The following ZNF462 variants were observed in gnomAD, a reference collection of about 807,000 sequenced individuals.
The protein encoded by ZNF462 is zinc finger protein 462.
In ZNF462, 10 loss-of-function variants were observed where a neutral mutation model predicts 201.9. The observed-to-expected ratio is 0.05, with a 90% CI of 0.03 to 0.08. ZNF462 has a LOEUF of 0.08. Among genes scored for constraint, ZNF462 ranks in the 10% least tolerant of loss-of-function variants. ZNF462 has a pLI of 1.00. For synonymous variants in ZNF462, 1,227 were observed against 1,193.3 expected (o/e 1.03, Z -0.58); for missense variants, 2,523 against 3,168.3 (o/e 0.80, Z 4.89).
At position 106,928,418 on chromosome 9, in the gene ZNF462, C is replaced by A. The variant is rs1440384486; in HGVS notation, c.4506C>A (p.Asp1502Glu). 6.2e-7 allele frequency: 1 copy of A among 1,614,180 alleles called. No homozygotes were observed. Reference sequence around the variant, plus strand: ...CTGGCATGAAAGTGAAGGCTGCTGACTTTGCCCAGGACATTGACATCAACC... The same window carrying A: ...CTGGCATGAAAGTGAAGGCTGCTGAATTTGCCCAGGACATTGACATCAACC... The part of the protein sequence containing the change: ...KHPGMKVKAA[D>E]FAQDIDINPG... Residue 1502 changes from aspartate to glutamate, a missense_variant, in exon 3 of 13, where the codon GAC (aspartate) becomes GAA (glutamate). Coordinates refer to ENST00000277225, the MANE Select transcript of ZNF462 (RefSeq NM_021224.6). The surrounding 1 kb of genome is among the most constrained non-coding windows in gnomAD (Gnocchi z 9.3).
chr9:106,953,647 C>G (rs1318311994), intron 7 of ZNF462, among the ~76,000 whole-genome samples: 1 of 151,950 alleles, frequency 6.6e-6, no homozygotes, highest in Non-Finnish European at 1.5e-5. Context: ...TCTTTGCACT[C>G]TCTCTCTCTC....
intron 1 of ZNF462, among the ~76,000 whole-genome samples, chr9:106,892,704 G>GCACACA (rs10568431): frequency 4.5e-5 from 6 of 131,946 alleles, no homozygotes; most frequent in East Asian, 2.1e-4. Flanking sequence ...ACACACACAC[G>GCACACA]CACACACACA....
rs779552060 is a variant in ZNF462 at position 106,928,769 on chromosome 9, C to G, written c.4857C>G (p.Leu1619=). ...SQSPPKLPVP[L]EPEMTTEVSP... ...CGCCCCCGAAGCTGCCAGTCCCCCTCGAGCCCGAGATGACCACTGAAGTGA... is the reference window on the plus strand; with the variant it reads ...CGCCCCCGAAGCTGCCAGTCCCCCTGGAGCCCGAGATGACCACTGAAGTGA... Residue 1619 remains leucine (L), a synonymous_variant, in exon 3 of 13, where the codon CTC becomes CTG. Coordinates refer to ENST00000277225, the MANE Select transcript of ZNF462 (RefSeq NM_021224.6). The surrounding 1 kb of genome is among the most constrained non-coding windows in gnomAD (Gnocchi z 9.3). 41 of 1,613,990 alleles carry G rather than the reference C, an allele frequency of 2.5e-5. No individual in the cohort carries two copies. The East Asian group carries it at 8.5e-4, about 33-fold the overall frequency.
At chr9:106,873,564 T>C (rs1827692369) in intron 1 of ZNF462, among the ~76,000 whole-genome samples, 1 of 152,216 alleles carries the variant, frequency 6.6e-6, no homozygotes, top group Admixed American at 6.5e-5. Flanking sequence ...TTCTATTCTT[T>C]AATGGTCATT....
At chr9:106,867,619 C>T (rs148620339) in intron 1 of ZNF462, among the ~76,000 whole-genome samples, 8 of 151,354 alleles carry the variant, frequency 5.3e-5, no homozygotes, top group Non-Finnish European at 7.4e-5. Flanking sequence ...ATGAATCTTC[C>T]GGAAGACAGC....
In ZNF462 at chr9:106,935,003, G is replaced by T. The variant is rs1034578927; in HGVS notation, c.6117-500G>T. On this transcript the variant is annotated intron_variant, in intron 5 of 12. Transcript: ENST00000277225. This position sits in a 1 kb window ranked among gnomAD's most constrained non-coding sequence, Gnocchi z 4.1. ...CCATTGCAAGAAGGTCAGCCACTTC[G>T]AAACCTCCCTTCCTCACTCTAGTGT... is the stretch of plus-strand genomic sequence containing the variant. Among the ~76,000 whole-genome samples the T allele has an allele frequency of 6.6e-6, 1 of 152,144 alleles. No individual in the cohort carries two copies. Among genetic ancestry groups the T allele is most frequent in the Non-Finnish European group, 1.5e-5 (1 of 68,028 alleles).
At chr9:106,909,713 AAGTC>A (rs1454236884) in intron 1 of ZNF462, among the ~76,000 whole-genome samples, 2 of 152,180 alleles carry the variant, frequency 1.3e-5, no homozygotes, top group African/African-American at 4.8e-5. Context: ...TACTGTGAAA[AAGTC>A]AGAGGACACC....
Position 106,927,913 on chromosome 9 carries a change from G to A in ZNF462, c.4001G>A (p.Arg1334Lys). The change falls in exon 3 of 13, where the codon AGG becomes AAG. Residue 1334 changes from arginine (R) to lysine (K), a missense_variant. Around this residue, in one of 15 missense-constraint regions of ZNF462, gnomAD observed 222 missense variants for 271.6 expected, o/e 0.82. Transcript: ENST00000277225. Reference sequence around the variant, plus strand: ...GGTTTGCTCCTGCATTACCAACGGAGGCATCCAGAACACTATGTTGATTAC... The same window carrying A: ...GGTTTGCTCCTGCATTACCAACGGAAGCATCCAGAACACTATGTTGATTAC... ...PNGLLLHYQR[R>K]HPEHYVDYTY... 6.2e-7 allele frequency: 1 copy of A among 1,614,154 alleles called. No homozygotes were observed. Among genetic ancestry groups the A allele is most frequent in the Non-Finnish European group, 8.5e-7 (1 of 1,180,032 alleles).
rs1356258014 is a variant in ZNF462, at chr9:106,935,263, A to G, written c.6117-240A>G. On this transcript the variant is annotated intron_variant, in intron 5 of 12. Transcript: ENST00000277225. The surrounding 1 kb of genome is among the most constrained non-coding windows in gnomAD (Gnocchi z 4.1). ...AAGATTCTTACCATGACCTGTTACC[A>G]CTGCCATATCTCTAAATCCAAAAAA... Among the ~76,000 whole-genome samples, 2 of 151,662 alleles carry G rather than the reference A, an allele frequency of 1.3e-5. No individual in the cohort carries two copies. Among genetic ancestry groups the G allele is most frequent in the East Asian group, 3.9e-4 (2 of 5,190 alleles).
Position 107,009,501 on chromosome 9 carries a change from G to A in ZNF462, c.7190-44G>A, listed in dbSNP as rs1564172044. On this transcript the variant is annotated intron_variant, in intron 11 of 12. Transcript: ENST00000277225. This position sits in a 1 kb window ranked among gnomAD's most constrained non-coding sequence, Gnocchi z 6.1. ...TGAATGCTGACTTACCTATTCTGCT[G>A]ATTCCCACAGCACACAGGTAACACT... The A allele has an allele frequency of 1.2e-6, 2 of 1,611,600 alleles. No individual in the cohort carries two copies. Among genetic ancestry groups the A allele is most frequent in the Admixed American group, 3.3e-5 (2 of 59,896 alleles).
At chr9:106,877,545 A>T (rs1423349192) in intron 1 of ZNF462, among the ~76,000 whole-genome samples, 1 of 151,696 alleles carries the variant, frequency 6.6e-6, no homozygotes, top group East Asian at 1.9e-4. Flanking sequence ...ATGCACCACC[A>T]TGCCTGGCTA....
At chr9:106,942,940 T>C (rs1273522008) in intron 7 of ZNF462, among the ~76,000 whole-genome samples, 1 of 140,380 alleles carries the variant, frequency 7.1e-6, no homozygotes, top group East Asian at 1.9e-4. Flanking sequence ...GCAGTTATGC[T>C]ATGGAATTGC....
rs1830482604 is a variant in ZNF462 at position 106,932,937 on chromosome 9, C to G, written c.6116+388C>G. On this transcript the variant is annotated intron_variant, in intron 5 of 12. Transcript: ENST00000277225. The surrounding 1 kb of genome is among the most constrained non-coding windows in gnomAD (Gnocchi z 6.8). The stretch of plus-strand genomic sequence containing the variant: ...AGTTGCTAAAGAGGTAAAATTAGGA[C>G]TATTAACCCATGTGACCAAAGAAAC... 6.9e-6 allele frequency: 2 copies of G among 289,566 alleles called. No individual in the cohort carries two copies. Among genetic ancestry groups the G allele is most frequent in the African/African-American group, 2.3e-5 (1 of 44,120 alleles). The allele number at this position is 289,566 out of a possible 1,614,324, so 17.9% of individuals were successfully genotyped here.
intron 1 of ZNF462, among the ~76,000 whole-genome samples, chr9:106,889,255 G>A (rs1828465221): frequency 6.6e-6 from 1 of 152,164 alleles, no homozygotes; most frequent in Admixed American, 6.5e-5. Flanking sequence ...TTAAAAGGGA[G>A]GCCTCAGAAA....
intron 7 of ZNF462, among the ~76,000 whole-genome samples, chr9:106,964,531 TTG>T (rs1831985507): frequency 6.6e-6 from 1 of 152,076 alleles, no homozygotes; most frequent in South Asian, 2.1e-4. Flanking sequence ...CTACACTGCG[TTG>T]TGTGTTACTT....
Position 106,880,659 on chromosome 9 carries a change from A to T in ZNF462, c.-31+17304A>T, listed in dbSNP as rs1422115961. ...GGGATATATTTTTATTAATGGTTTA[A>T]GTTGGGCCTTTTATAACTGATACTC... On this transcript the variant is annotated intron_variant, in intron 1 of 12. Transcript: ENST00000277225. This position sits in a 1 kb window ranked among gnomAD's most constrained non-coding sequence, Gnocchi z 4.1. Among the ~76,000 whole-genome samples, 2 of 152,202 alleles carry T rather than the reference A, an allele frequency of 1.3e-5. No homozygotes were observed. Among genetic ancestry groups the T allele is most frequent in the Admixed American group, 1.3e-4 (2 of 15,286 alleles).
At chr9:106,965,347 T>C (rs1027140236) in intron 7 of ZNF462, among the ~76,000 whole-genome samples, 4 of 139,736 alleles carry the variant, frequency 2.9e-5, no homozygotes, top group African/African-American at 1.3e-4. Context: ...CATATCATAA[T>C]CATATATGAG....
At chr9:106,912,964 A>G (rs1180139907) in intron 1 of ZNF462, among the ~76,000 whole-genome samples, 1 of 152,240 alleles carries the variant, frequency 6.6e-6, no homozygotes, top group East Asian at 1.9e-4. Context: ...TTTCCAGGAT[A>G]CTTTGCAAAC....
At chr9:106,869,647 T>C (rs1301662180) in intron 1 of ZNF462, among the ~76,000 whole-genome samples, 3 of 152,208 alleles carry the variant, frequency 2.0e-5, no homozygotes. Flanking sequence ...TGAACCTCAG[T>C]GTGGCACTCC....
Sources: gnomAD v4.1 joint callset for allele counts (sites outside exome capture counted in the v4.1 genomes callset) on GRCh38, gnomAD v4.1.1 for gene constraint, gnomAD v4.1.1 regional missense constraint, Gnocchi (gnomAD v3.1) non-coding constraint, MANE v1.5 for transcripts, NCBI Gene and HGNC (gene_info 2026-07-23, HGNC 2026-07-21) for gene names.